Variants in PDCD6 observed in about 807,000 individuals in gnomAD.
PDCD6 encodes programmed cell death protein 6.
Under a neutral mutation model 28.3 loss-of-function variants are expected in PDCD6, and 12 were observed. The observed-to-expected ratio is 0.42, with a 90% CI of 0.27 to 0.69. PDCD6 has a LOEUF of 0.69. Ranked by LOEUF, PDCD6 falls within the 30% of genes least tolerant of loss-of-function variation. The probability of loss-of-function intolerance (pLI) is 0.22; values close to 1 mark genes in which losing one functional copy is unlikely to be tolerated. For missense variants in PDCD6, 226 were observed against 269.9 expected (o/e 0.84, Z 1.14); for synonymous variants, 92 against 108.0 (o/e 0.85, Z 0.92).
chr5:276,768 A>C (rs1179308948), intron 2 of PDCD6: 1 of 985,102 alleles, frequency 1.0e-6, no homozygotes, highest in Non-Finnish European at 1.2e-6. Context: ...CTTGTATTCT[A>C]GGTGAAACCA....
At chr5:284,410 C>G (rs59284383) in intron 2 of PDCD6, among the ~76,000 whole-genome samples, 36,707 of 152,160 alleles carry the variant, frequency 0.24, 6,908 homozygotes, top group African/African-American at 0.53. Flanking sequence ...AGCTGATGTT[C>G]CAATTTGAGG....
chr5:284,090 G>C (rs1738770614), intron 2 of PDCD6, among the ~76,000 whole-genome samples: 1 of 151,980 alleles, frequency 6.6e-6, no homozygotes, highest in African/African-American at 2.4e-5. Flanking sequence ...TGATGTTCTA[G>C]ATTGAGGGTC....
chr5:306,231 G>C, intron 3 of PDCD6: 1 of 238,310 alleles, frequency 4.2e-6, no homozygotes, highest in Non-Finnish European at 8.7e-6. Context: ...AGCCAGGGGA[G>C]CTGGGGCCAC....
Position 271,672 on chromosome 5 carries a change from A to C in PDCD6, c.-49A>C, listed in dbSNP as rs201738611. 1.7e-3 allele frequency: 1,864 copies of C among 1,088,268 alleles called. 4 individuals are homozygous for C. Among genetic ancestry groups the C allele is most frequent in the Non-Finnish European group, 2.2e-3 (1,608 of 741,012 alleles). The allele number at this position is 1,088,268 out of a possible 1,614,324, so 67.4% of individuals were successfully genotyped here. A position where few individuals can be genotyped will look rare whatever the true frequency, so the allele number is the denominator to read the frequency against. ...GAGGCGGAAGCGGAGTCGGCCTGAG[A>C]GGTCTCTCGTCGCTGCAGGCGCCTC... On this transcript the variant is annotated 5_prime_UTR_variant, in exon 1 of 6. Coordinates refer to ENST00000264933, the MANE Select transcript of PDCD6 (RefSeq NM_013232.4).
At chr5:299,945 T>G (rs1902804) in intron 2 of PDCD6, among the ~76,000 whole-genome samples, 114,195 of 151,792 alleles carry the variant, frequency 0.75, 43,321 homozygotes, top group African/African-American at 0.79. Flanking sequence ...TCAGAAGCAG[T>G]ACAGTGCCCT....
At chr5:292,399 C>G (rs1398197262) in intron 2 of PDCD6, among the ~76,000 whole-genome samples, 2 of 152,144 alleles carry the variant, frequency 1.3e-5, no homozygotes, top group African/African-American at 4.8e-5. Context: ...GCTGGGATTA[C>G]AGGCGCCCGC....
chr5:278,184 G>A (rs12652825), intron 2 of PDCD6, among the ~76,000 whole-genome samples: 36,696 of 150,268 alleles, frequency 0.24, 6,901 homozygotes, highest in African/African-American at 0.54. Flanking sequence ...GGTTCTGTTG[G>A]TGGGTGAGTT....
At chr5:300,162 T>C (rs749819867) in intron 2 of PDCD6, among the ~76,000 whole-genome samples, 11 of 152,208 alleles carry the variant, frequency 7.2e-5, no homozygotes, top group Non-Finnish European at 1.3e-4. Context: ...CCTGCAGTGT[T>C]CTGACTGATG....
At chr5:283,105 G>T (rs564948552) in intron 2 of PDCD6, among the ~76,000 whole-genome samples, 321 of 152,014 alleles carry the variant, frequency 2.1e-3, no homozygotes, top group African/African-American at 7.2e-3. Context: ...CTAGTTTGAG[G>T]ATCTCGTAGC....
intron 2 of PDCD6, among the ~76,000 whole-genome samples, chr5:286,972 C>A (rs1339731052): frequency 6.6e-6 from 1 of 151,664 alleles, no homozygotes; most frequent in African/African-American, 2.4e-5. Flanking sequence ...GAGCAGTGTT[C>A]TAGTTTGTGG....
chr5:288,394 C>T (rs1739116644), intron 2 of PDCD6, among the ~76,000 whole-genome samples: 2 of 150,484 alleles, frequency 1.3e-5, no homozygotes, highest in Admixed American at 6.6e-5. Context: ...CCCTGTTATT[C>T]ACATGTTAAA....
Position 314,838 on chromosome 5 carries a change from TTTATTA to T in PDCD6, c.*324_*329del, listed in dbSNP as rs1323884942. ...TCTCTGGTTCTATAGTGCAAATGCT[TTTATTA>T]GCCAATAGGAATTTTAAAATAACAT... On this transcript the variant is annotated 3_prime_UTR_variant, in exon 6 of 6. Coordinates refer to ENST00000264933, the MANE Select transcript of PDCD6 (RefSeq NM_013232.4). 1.2e-5 allele frequency: 5 copies of T among 408,782 alleles called. No individual in the cohort carries two copies. The highest frequency in any genetic ancestry group is 2.3e-5 in the Non-Finnish European group (5 of 216,502). The allele number at this position is 408,782 out of a possible 1,614,324, so 25.3% of individuals were successfully genotyped here. A position where few individuals can be genotyped will look rare whatever the true frequency, so the allele number is the denominator to read the frequency against.
At chr5:300,460 G>T (rs1211332240) in intron 2 of PDCD6, among the ~76,000 whole-genome samples, 1 of 152,222 alleles carries the variant, frequency 6.6e-6, no homozygotes, top group Non-Finnish European at 1.5e-5. Context: ...GTTGGAGGGT[G>T]GTCTCAGGGA....
intron 2 of PDCD6, chr5:276,448 C>T: frequency 1.0e-6 from 1 of 986,468 alleles, no homozygotes; most frequent in South Asian, 4.7e-5. Context: ...CCTCTTCCTT[C>T]TTCTCTCTGA....
intron 2 of PDCD6, among the ~76,000 whole-genome samples, chr5:287,228 A>G (rs1335477260): frequency 6.6e-6 from 1 of 152,104 alleles, no homozygotes; most frequent in African/African-American, 2.4e-5. Context: ...CTGGTGTTCT[A>G]GTTTGAGGTT....
At chr5:274,511 C>G (rs1275130089) in intron 2 of PDCD6, among the ~76,000 whole-genome samples, 1 of 152,144 alleles carries the variant, frequency 6.6e-6, no homozygotes, top group Non-Finnish European at 1.5e-5. Context: ...GAGGTGTTTC[C>G]GTGATTCCTG....
rs1319109848 is a variant in PDCD6, at chr5:307,504, G to C, written c.367+744G>C. On this transcript the variant is annotated intron_variant, in intron 4 of 5. Transcript: ENST00000264933. The surrounding 1 kb of genome is among the most constrained non-coding windows in gnomAD (Gnocchi z 6.1). ...GGGTCTAGGAGTGTTCACAGTGCCT[G>C]TCCAGAGTGCGTCCATAGGGCCTGT... is the stretch of plus-strand genomic sequence containing the variant. Among the ~76,000 whole-genome samples, 1 of 152,222 alleles carries C rather than the reference G, an allele frequency of 6.6e-6. No individual in the cohort carries two copies. The highest frequency in any genetic ancestry group is 1.5e-5 in the Non-Finnish European group (1 of 68,034).
chr5:306,402 C>T, intron 3 of PDCD6, 200 bp from the exon 4 acceptor site: 1 of 577,226 alleles, frequency 1.7e-6, no homozygotes, highest in South Asian at 2.0e-5. Context: ...GGACAATCCC[C>T]CACACCCCCA....
chr5:294,927 G>A (rs7731054), intron 2 of PDCD6, among the ~76,000 whole-genome samples: 19 of 150,394 alleles, frequency 1.3e-4, no homozygotes, highest in East Asian at 3.9e-4. Flanking sequence ...GTTTCGGTGC[G>A]CACAGGCCGA....
Sources: gnomAD v4.1 joint callset for allele counts (sites outside exome capture counted in the v4.1 genomes callset) on GRCh38, gnomAD v4.1.1 for gene constraint, Gnocchi (gnomAD v3.1) non-coding constraint, MANE v1.5 for transcripts, NCBI Gene and HGNC (gene_info 2026-07-23, HGNC 2026-07-21) for gene names.